Variants in FBXW2 observed in about 807,000 individuals in gnomAD.
FBXW2 encodes F-box/WD repeat-containing protein 2.
A neutral mutation model predicts 46.0 loss-of-function variants in FBXW2; 12 were observed. The ratio of observed to expected loss-of-function variants is 0.26; its 90% CI spans 0.17 to 0.42. The LOEUF (loss-of-function observed/expected upper bound fraction) is 0.42, where lower values mean the gene tolerates loss of function less well. FBXW2 is among the 10% of genes least tolerant of loss of function. The pLI is 1.00. For missense variants in FBXW2, 360 were observed against 537.0 expected, an observed-to-expected ratio of 0.67 and a Z score of 3.26; for synonymous variants, 203 against 209.6, an observed-to-expected ratio of 0.97 and a Z score of 0.27.
intron 7 of FBXW2, among the ~76,000 whole-genome samples, chr9:120,766,210 G>A (rs2044272865): frequency 6.6e-6 from 1 of 152,196 alleles, no homozygotes; most frequent in Non-Finnish European, 1.5e-5. Context: ...GCTATCAGCT[G>A]AGATGGGGAA....
rs767147219 is a variant in FBXW2 at position 120,778,590 on chromosome 9, A to G, written c.491-45T>C. On this transcript the variant is annotated intron_variant, in intron 3 of 7. Coordinates refer to ENST00000608872, the MANE Select transcript of FBXW2 (RefSeq NM_012164.4). Reference sequence around the variant, plus strand: ...AGGTTAATAAGAAAACAAACACACTAAAGAAGGAAAATCAATCCCAAAATC... The same window carrying G: ...AGGTTAATAAGAAAACAAACACACTGAAGAAGGAAAATCAATCCCAAAATC... 6 of 1,527,936 alleles carry G rather than the reference A, an allele frequency of 3.9e-6. No individual in the cohort carries two copies. The Admixed American group carries it at 9.2e-5, about 23-fold the overall frequency. 94.6% of individuals were successfully genotyped at this position (1,527,936 alleles called of 1,614,324 possible).
chr9:120,779,707 G>C (rs1337003873), intron 3 of FBXW2, among the ~76,000 whole-genome samples: 3 of 152,202 alleles, frequency 2.0e-5, no homozygotes, highest in African/African-American at 7.2e-5. Flanking sequence ...GGGAACATCT[G>C]AGGCAGGGTC....
intron 7 of FBXW2, among the ~76,000 whole-genome samples, chr9:120,767,045 G>C (rs1256501631): frequency 5.9e-5 from 9 of 152,168 alleles, no homozygotes; most frequent in African/African-American, 2.2e-4. Flanking sequence ...ATCAAGGAGT[G>C]AGCAAATCTT....
At position 120,757,946 on chromosome 9, in the gene FBXW2, G is replaced by A. The variant is rs2044148124; in HGVS notation, c.*6613C>T. 6.6e-6 allele frequency: 1 copy of A among 152,200 alleles called. No homozygotes were observed. Among genetic ancestry groups the A allele is most frequent in the African/African-American group, 2.4e-5 (1 of 41,456 alleles). The allele number at this position is 152,200 out of a possible 1,614,324, so 9.4% of individuals were successfully genotyped here. A position where few individuals can be genotyped will look rare whatever the true frequency, so the allele number is the denominator to read the frequency against. ...TGATCTTTTATTTTCAATTTTAGAT[G>A]CTCTGGAAGTTATTTTTCTTCCAAG... is the stretch of plus-strand genomic sequence containing the variant. On this transcript the variant is annotated 3_prime_UTR_variant, in exon 8 of 8. Coordinates refer to ENST00000608872, the MANE Select transcript of FBXW2 (RefSeq NM_012164.4).
rs760306500 is a variant in FBXW2, at chr9:120,787,974, T to C, written c.285A>G (p.Thr95=). The C allele has an allele frequency of 2.5e-6, 4 of 1,614,098 alleles. No homozygotes were observed. The highest frequency in any genetic ancestry group is 4.5e-5 in the East Asian group (2 of 44,896). The part of the protein sequence containing the change: ...KQWNKVISAC[T]EVWQTACKNL... The stretch of plus-strand genomic sequence containing the variant: ...TTTTACATGCAGTCTGCCACACCTC[T>C]GTACAGGCACTTATCACCTTATTCC... Residue 95 remains threonine, a synonymous_variant, in exon 3 of 8, where the codon ACA becomes ACG. Coordinates refer to ENST00000608872, the MANE Select transcript of FBXW2 (RefSeq NM_012164.4).
intron 3 of FBXW2, among the ~76,000 whole-genome samples, chr9:120,779,966 CCT>C (rs10574644): frequency 0.016 from 2,381 of 151,988 alleles, 57 homozygotes; most frequent in African/African-American, 0.054. Context: ...ATCGCGAAAC[CCT>C]GTCTCTACTA....
intron 3 of FBXW2, among the ~76,000 whole-genome samples, chr9:120,783,374 GAA>G (rs749023323): frequency 6.6e-6 from 1 of 152,202 alleles, no homozygotes; most frequent in South Asian, 2.1e-4. Flanking sequence ...GCATAGAGGT[GAA>G]AGAGGACTAA....
chr9:120,770,404 A>G (rs913415766), intron 7 of FBXW2, among the ~76,000 whole-genome samples: 1 of 151,906 alleles, frequency 6.6e-6, no homozygotes, highest in Non-Finnish European at 1.5e-5. Flanking sequence ...AATGAAGAGA[A>G]TGTTCAATTT....
chr9:120,793,258 C>T lies in FBXW2; in HGVS notation c.-129-1G>A, dbSNP rs985024347. The T allele has an allele frequency of 4.3e-6, 2 of 464,490 alleles. No homozygotes were observed. The highest frequency in any genetic ancestry group is 8.5e-5 in the South Asian group (2 of 23,600). 28.8% of individuals were successfully genotyped at this position (464,490 alleles called of 1,614,324 possible). A position where few individuals can be genotyped will look rare whatever the true frequency, so the allele number is the denominator to read the frequency against. ...CGGGTCCGCTCCGCAGCCATGGCGC[C>T]TGCAGGGAAAGAAAAACAGCCAAGG... On this transcript the variant is annotated splice_acceptor_variant, in intron 1 of 7. Coordinates refer to ENST00000608872, the MANE Select transcript of FBXW2 (RefSeq NM_012164.4). LOFTEE classifies it low-confidence loss of function (5UTR_SPLICE).
rs1564448350 is a variant in FBXW2 at position 120,764,674 on chromosome 9, G to A, written c.1250C>T (p.Ala417Val). ...RKSKRGSSFL[A>V]GEASWLNGLD... ...TCCATTCAGCCAGGATGCTTCGCCT[G>A]CCAGGAAGCTTGAGCCTCTCTTTGA... The change falls in exon 8 of 8, where the codon GCA (alanine) becomes GTA (valine). Residue 417 changes from alanine to valine, a missense_variant. By Grantham distance (64) the Ala-to-Val change is moderately conservative. Coordinates refer to ENST00000608872, the MANE Select transcript of FBXW2 (RefSeq NM_012164.4). 2.5e-6 allele frequency: 4 copies of A among 1,614,216 alleles called. No individual in the cohort carries two copies. The highest frequency in any genetic ancestry group is 3.4e-6 in the Non-Finnish European group (4 of 1,180,046).
At position 120,764,747 on chromosome 9, in the gene FBXW2, G is replaced by A; in HGVS notation, c.1177C>T (p.Arg393Trp). 1.9e-6 allele frequency: 3 copies of A among 1,614,140 alleles called. No homozygotes were observed. Among genetic ancestry groups the A allele is most frequent in the Non-Finnish European group, 2.5e-6 (3 of 1,180,024 alleles). ...CAGCGACTAATCAGGCTCTCTGTCC[G>A]CAAGTCCATGATGTACAGGTAGCGG... ...DNRYLYIMDL[R>W]TESLISRWPL... is the part of the protein sequence containing the mutation. Residue 393 changes from arginine (R) to tryptophan (W), a missense_variant, in exon 8 of 8, where the codon CGG becomes TGG. Transcript: ENST00000608872.
chr9:120,793,327 C>G (rs2044895523), intron 1 of FBXW2, 27 bp downstream of exon 1: 3 of 429,500 alleles, frequency 7.0e-6, no homozygotes, highest in South Asian at 6.6e-5. Flanking sequence ...AGTCCCCTCC[C>G]CGACCGGCCC....
chr9:120,780,598 G>A (rs1393675677), intron 3 of FBXW2, among the ~76,000 whole-genome samples: 1 of 152,126 alleles, frequency 6.6e-6, no homozygotes, highest in Non-Finnish European at 1.5e-5. Flanking sequence ...AGTCTTTAAG[G>A]CCTTCAGTTC....
chr9:120,772,887 C>T, intron 5 of FBXW2, 47 bp from the exon 6 acceptor site: 1 of 1,251,810 alleles, frequency 8.0e-7, no homozygotes, highest in East Asian at 2.4e-5. Context: ...AATGCTGCTC[C>T]TATAATGATT....
chr9:120,775,187 GTAGCTGGGATTACGC>G, intron 5 of FBXW2, among the ~76,000 whole-genome samples: 1 of 152,044 alleles, frequency 6.6e-6, no homozygotes, highest in East Asian at 1.9e-4. Context: ...AGCCTCCTGA[GTAGCTGGGATTACGC>G]CTGGCTGATT....
chr9:120,767,355 G>C (rs2044294591), intron 7 of FBXW2, among the ~76,000 whole-genome samples: 1 of 152,176 alleles, frequency 6.6e-6, no homozygotes, highest in Non-Finnish European at 1.5e-5. Context: ...GCTAAAAGAG[G>C]TAGACATTTA....
intron 7 of FBXW2, among the ~76,000 whole-genome samples, chr9:120,769,189 C>T (rs2044327692): frequency 6.6e-6 from 1 of 152,192 alleles, no homozygotes; most frequent in South Asian, 2.1e-4. Context: ...TGCTTCTTTT[C>T]AATTAGCTTC....
intron 3 of FBXW2, among the ~76,000 whole-genome samples, chr9:120,779,879 CA>C (rs2044573374): frequency 6.6e-6 from 1 of 152,264 alleles, no homozygotes; most frequent in Admixed American, 6.5e-5. Flanking sequence ...GGGCCGGGCG[CA>C]GTGGCTCATG....
intron 2 of FBXW2, among the ~76,000 whole-genome samples, chr9:120,790,416 G>A (rs578115485): frequency 9.2e-5 from 14 of 152,066 alleles, no homozygotes; most frequent in Non-Finnish European, 1.3e-4. Context: ...CCCAGGAGGC[G>A]GAGCTTGCAG....
Sources: gnomAD v4.1 joint callset for allele counts (sites outside exome capture counted in the v4.1 genomes callset) on GRCh38, gnomAD v4.1.1 for gene constraint, MANE v1.5 for transcripts, NCBI Gene and HGNC (gene_info 2026-07-23, HGNC 2026-07-21) for gene names.